NXPE2: variants seen among roughly 807,000 people sequenced by gnomAD.
The protein encoded by NXPE2 is NXPE family member 2.
Under a neutral mutation model 34.4 loss-of-function variants are expected in NXPE2, and 34 were observed. The observed-to-expected ratio is 0.99, with a 90% CI of 0.75 to 1.31. NXPE2 has a LOEUF of 1.31. Ranked by LOEUF, NXPE2 falls within the 40% of genes most tolerant of loss-of-function variation. The pLI, the probability that NXPE2 is intolerant of heterozygous loss-of-function variation, is 0.00. For synonymous variants in NXPE2, 235 were observed against 231.3 expected (o/e 1.02, Z -0.15); for missense variants, 649 against 672.5 (o/e 0.97, Z 0.39).
At chr11:114,746,502 T>G in the NXPE2 span, among the ~76,000 whole-genome samples, 1 of 152,118 alleles carries the variant, frequency 6.6e-6, no homozygotes, top group Non-Finnish European at 1.5e-5. Context: ...CAAGAATTAG[T>G]AGGAGATCTA....
At chr11:114,757,827 A>T in the NXPE2 span, among the ~76,000 whole-genome samples, 2 of 152,212 alleles carry the variant, frequency 1.3e-5, no homozygotes, top group Admixed American at 1.3e-4. Context: ...AAATATTCAC[A>T]TTCAGGAGCA....
the NXPE2 span, among the ~76,000 whole-genome samples, chr11:114,610,008 G>C: frequency 6.6e-6 from 1 of 151,682 alleles, no homozygotes; most frequent in South Asian, 2.1e-4. Context: ...TTACCTGGTA[G>C]ATAATACATG....
At chr11:114,530,953 A>G in the NXPE2 span, 1 of 1,502,424 alleles carries the variant, frequency 6.7e-7, no homozygotes, top group Middle Eastern at 1.8e-4. Context: ...TAACCTGTCT[A>G]ATCATTTTTA....
the NXPE2 span, among the ~76,000 whole-genome samples, chr11:114,639,830 A>ATTATATT: frequency 1.1e-5 from 1 of 87,124 alleles, no homozygotes; most frequent in African/African-American, 4.2e-5. Flanking sequence ...TATAATATAT[A>ATTATATT]TTATATTAAA....
At chr11:114,583,553 C>T in the NXPE2 span, 1 of 599,716 alleles carries the variant, frequency 1.7e-6, no homozygotes, top group Admixed American at 1.9e-5. Flanking sequence ...TGAGGACTGT[C>T]CAGCATTTGA....
the NXPE2 span, among the ~76,000 whole-genome samples, chr11:114,482,263 A>G: frequency 1.3e-5 from 2 of 152,194 alleles, no homozygotes; most frequent in Non-Finnish European, 2.9e-5. Context: ...ATTGAGGCTG[A>G]GGTTAGGAAT....
the NXPE2 span, among the ~76,000 whole-genome samples, chr11:114,633,411 T>G: frequency 6.9e-6 from 1 of 145,756 alleles, no homozygotes; most frequent in African/African-American, 2.5e-5. Flanking sequence ...TATATTTTAT[T>G]ATATGTTATA....
the NXPE2 span, among the ~76,000 whole-genome samples, chr11:114,667,081 G>A: frequency 6.6e-6 from 1 of 152,070 alleles, no homozygotes; most frequent in Non-Finnish European, 1.5e-5. Flanking sequence ...CATGTGCCAG[G>A]TGTTGTTCTA....
chr11:114,776,640 T>C, the NXPE2 span, among the ~76,000 whole-genome samples: 1 of 152,326 alleles, frequency 6.6e-6, no homozygotes, highest in Admixed American at 6.5e-5. Flanking sequence ...GCCTGGGTGT[T>C]CCCTTTTTCC....
At chr11:114,541,321 C>T in the NXPE2 span, among the ~76,000 whole-genome samples, 4 of 152,026 alleles carry the variant, frequency 2.6e-5, no homozygotes, top group Admixed American at 6.6e-5. Context: ...TAGATGTTGG[C>T]CTGATCAGAC....
the NXPE2 span, among the ~76,000 whole-genome samples, chr11:114,617,791 C>A: frequency 6.6e-6 from 1 of 152,144 alleles, no homozygotes; most frequent in Admixed American, 6.6e-5. Context: ...TGTGGGTAAG[C>A]ACGGTTACCC....
the NXPE2 span, among the ~76,000 whole-genome samples, chr11:114,551,646 A>G: frequency 6.6e-6 from 1 of 152,228 alleles, no homozygotes. Context: ...AAAGAAAGCC[A>G]GTCCTGTTAA....
At chr11:114,584,798 TTATTAAATATAAA>T in the NXPE2 span, 1 of 152,334 alleles carries the variant, frequency 6.6e-6, no homozygotes, top group Non-Finnish European at 1.5e-5. Flanking sequence ...CATATAAAAT[TTATTAAATATAAA>T]TAGTTCCAGG....
the NXPE2 span, among the ~76,000 whole-genome samples, chr11:114,632,069 A>G: frequency 2.2e-5 from 3 of 133,796 alleles, no homozygotes; most frequent in Non-Finnish European, 4.8e-5. Context: ...TAAGAATTGT[A>G]TAGTATAATA....
chr11:114,585,441 T>C, the NXPE2 span, among the ~76,000 whole-genome samples: 1 of 152,070 alleles, frequency 6.6e-6, no homozygotes, highest in Admixed American at 6.6e-5. Flanking sequence ...GAAAAAGATA[T>C]TCCATGCAAA....
chr11:114,705,347 C>T (rs541614277), intron 4 of NXPE2, among the ~76,000 whole-genome samples: 1 of 152,344 alleles, frequency 6.6e-6, no homozygotes, highest in South Asian at 2.1e-4. Flanking sequence ...TTCATAAACA[C>T]ATTCAAGCTT....
At chr11:114,749,812 C>T in the NXPE2 span, among the ~76,000 whole-genome samples, 2 of 152,110 alleles carry the variant, frequency 1.3e-5, no homozygotes, top group Non-Finnish European at 2.9e-5. Flanking sequence ...CTTTGAAACT[C>T]ACCGTAAACC....
chr11:114,467,572 C>G, the NXPE2 span, among the ~76,000 whole-genome samples: 1,024 of 152,148 alleles, frequency 6.7e-3, 14 homozygotes, highest in African/African-American at 0.022. Flanking sequence ...TACTAGGGAC[C>G]GTCTACTTAC....
the NXPE2 span, among the ~76,000 whole-genome samples, chr11:114,719,225 C>T: frequency 1.3e-5 from 2 of 152,218 alleles, no homozygotes; most frequent in African/African-American, 2.4e-5. Context: ...AATGCCCCTC[C>T]ACTACTTCCT....
Sources: allele counts gnomAD v4.1 joint callset (sites outside exome capture counted in the v4.1 genomes callset), GRCh38; gene constraint gnomAD v4.1.1; transcripts MANE v1.5; gene names NCBI Gene and HGNC (gene_info 2026-07-23, HGNC 2026-07-21).